ASIC2: variants seen among roughly 807,000 people sequenced by gnomAD.
The protein encoded by ASIC2 is acid sensing ion channel subunit 2.
Under a neutral mutation model 57.3 loss-of-function variants are expected in ASIC2, and 25 were observed. The ratio of observed to expected loss-of-function variants is 0.44; its 90% CI spans 0.32 to 0.61. The LOEUF (loss-of-function observed/expected upper bound fraction) is 0.61, where lower values mean the gene tolerates loss of function less well. Among genes scored for constraint, ASIC2 ranks in the 20% least tolerant of loss-of-function variants. The probability of loss-of-function intolerance (pLI) is 0.06; values close to 1 mark genes in which losing one functional copy is unlikely to be tolerated. For missense variants in ASIC2, 641 were observed against 738.1 expected (o/e 0.87, Z 1.52); for synonymous variants, 319 against 307.5 (o/e 1.04, Z -0.39).
intron 1 of ASIC2, among the ~76,000 whole-genome samples, chr17:33,217,192 T>C (rs1907523848): frequency 6.6e-6 from 1 of 152,214 alleles, no homozygotes; most frequent in African/African-American, 2.4e-5. Context: ...CCCTGTTTCC[T>C]AGAGGCACTT....
chr17:34,069,821 G>A (rs1909330867), intron 1 of ASIC2: 1 of 152,186 alleles, frequency 6.6e-6, no homozygotes, highest in Admixed American at 6.5e-5. Flanking sequence ...AAGACAGAGG[G>A]AGGCTTTGAA....
chr17:33,820,625 T>TA (rs2141892723), intron 1 of ASIC2, among the ~76,000 whole-genome samples: 1 of 151,854 alleles, frequency 6.6e-6, no homozygotes, highest in Admixed American at 6.6e-5. Context: ...TAAAGAGTAT[T>TA]AAAAAACATT....
chr17:34,037,640 T>C (rs1907940219), intron 1 of ASIC2: 9 of 1,608,000 alleles, frequency 5.6e-6, no homozygotes, highest in Admixed American at 3.4e-5. Context: ...AGAACTGTTA[T>C]TGGACGCCCC....
chr17:33,817,395 T>G (rs1438759046), intron 1 of ASIC2, among the ~76,000 whole-genome samples: 2 of 152,194 alleles, frequency 1.3e-5, no homozygotes, highest in Admixed American at 1.3e-4. Flanking sequence ...GTCATGCTAC[T>G]CCCTCTGCCT....
intron 1 of ASIC2, among the ~76,000 whole-genome samples, chr17:33,590,476 C>G (rs1321720851): frequency 6.6e-6 from 1 of 152,100 alleles, no homozygotes; most frequent in East Asian, 1.9e-4. Flanking sequence ...ACTACCAGGT[C>G]TGCTAGGCTC....
intron 1 of ASIC2, among the ~76,000 whole-genome samples, chr17:34,153,790 T>C (rs1904616231): frequency 6.6e-6 from 1 of 152,204 alleles, no homozygotes; most frequent in East Asian, 1.9e-4. Flanking sequence ...AGATTACTCT[T>C]GAACTTGCTG....
chr17:33,907,525 C>T (rs957080464), intron 1 of ASIC2, among the ~76,000 whole-genome samples: 2 of 152,160 alleles, frequency 1.3e-5, no homozygotes. Flanking sequence ...CCATGTGACC[C>T]ATTACTCATT....
chr17:33,201,485 A>C (rs1293125277), intron 1 of ASIC2, among the ~76,000 whole-genome samples: 1 of 152,208 alleles, frequency 6.6e-6, no homozygotes. Context: ...ATGCCATGTC[A>C]GTTTACTGTT....
chr17:34,070,857 C>T (rs1909372186), intron 1 of ASIC2: 1 of 152,336 alleles, frequency 6.6e-6, no homozygotes, highest in Non-Finnish European at 1.5e-5. Flanking sequence ...TACTCTGACT[C>T]CAAGAGAGGT....
chr17:33,789,991 G>A (rs1266122835), intron 1 of ASIC2, among the ~76,000 whole-genome samples: 2 of 152,202 alleles, frequency 1.3e-5, no homozygotes, highest in Admixed American at 6.5e-5. Flanking sequence ...AATGTACTGA[G>A]CCAGAAGCTC....
intron 3 of ASIC2, among the ~76,000 whole-genome samples, chr17:33,072,657 G>A (rs1375540762): frequency 6.6e-6 from 1 of 152,164 alleles, no homozygotes; most frequent in African/African-American, 2.4e-5. Flanking sequence ...CCATTTGACG[G>A]GGAGAGAGTT....
intron 1 of ASIC2, among the ~76,000 whole-genome samples, chr17:33,279,703 C>T (rs184275113): frequency 5.9e-5 from 9 of 152,232 alleles, no homozygotes; most frequent in Admixed American, 3.9e-4. Context: ...GCCTAGGTAA[C>T]GTAGCAAGAC....
At chr17:33,345,409 A>C (rs962835045) in intron 1 of ASIC2, among the ~76,000 whole-genome samples, 2 of 152,214 alleles carry the variant, frequency 1.3e-5, no homozygotes, top group Admixed American at 6.5e-5. Context: ...CAAATAAGTA[A>C]GAAAAATGTG....
intron 1 of ASIC2, among the ~76,000 whole-genome samples, chr17:33,390,510 A>G (rs1020353311): frequency 1.3e-5 from 2 of 152,278 alleles, no homozygotes; most frequent in African/African-American, 4.8e-5. Context: ...GTTTCTGTGC[A>G]ATCCAGGAAT....
chr17:33,497,895 C>T (rs548447970), intron 1 of ASIC2, among the ~76,000 whole-genome samples: 20 of 152,312 alleles, frequency 1.3e-4, no homozygotes, highest in Middle Eastern at 3.4e-3. Flanking sequence ...CTCTCTTCCC[C>T]ACAAGCTCTG....
intron 1 of ASIC2, among the ~76,000 whole-genome samples, chr17:33,286,842 T>C (rs1905217377): frequency 6.6e-6 from 1 of 152,204 alleles, no homozygotes; most frequent in Non-Finnish European, 1.5e-5. Context: ...CCAAGCCTTA[T>C]TTAATTTTAT....
At chr17:33,832,955 T>C (rs1410883036) in intron 1 of ASIC2, among the ~76,000 whole-genome samples, 3 of 152,192 alleles carry the variant, frequency 2.0e-5, no homozygotes, top group African/African-American at 7.2e-5. Flanking sequence ...AAGTACATAT[T>C]ACGGAATATT....
chr17:33,325,484 T>C (rs1185190383), intron 1 of ASIC2, among the ~76,000 whole-genome samples: 1 of 152,126 alleles, frequency 6.6e-6, no homozygotes, highest in Non-Finnish European at 1.5e-5. Flanking sequence ...AAAGAAGGCC[T>C]GACTGGCTGA....
At chr17:33,238,187 T>C (rs1365549400) in intron 1 of ASIC2, among the ~76,000 whole-genome samples, 1 of 152,172 alleles carries the variant, frequency 6.6e-6, no homozygotes, top group East Asian at 1.9e-4. Flanking sequence ...CACGTGCTGG[T>C]GAAGGATCCC....
Sources: allele counts gnomAD v4.1 joint callset (sites outside exome capture counted in the v4.1 genomes callset), GRCh38; gene constraint gnomAD v4.1.1; transcripts MANE v1.5; gene names NCBI Gene and HGNC (gene_info 2026-07-23, HGNC 2026-07-21).